Variants in METTL9 observed in about 807,000 individuals in gnomAD.
METTL9 encodes methyltransferase 9, His-X-His N1(pi)-histidine, also known as protein-L-histidine N-pros-methyltransferase.
METTL9 carries 10 observed loss-of-function variants against 36.0 expected under a neutral mutation model. The observed-to-expected ratio is 0.28, with a 90% confidence interval of 0.17 to 0.47. The LOEUF (loss-of-function observed/expected upper bound fraction) is 0.47. Ranked by LOEUF, METTL9 falls within the 20% of genes least tolerant of loss-of-function variation. The pLI, the probability that METTL9 is intolerant of heterozygous loss-of-function variation, is 0.99. For synonymous variants in METTL9, 175 were observed against 149.7 expected (o/e 1.17, Z -1.23); for missense variants, 246 against 383.5 (o/e 0.64, Z 3.00).
chr16:21,652,290 G>A, intron 4 of METTL9: 1 of 381,208 alleles, frequency 2.6e-6, no homozygotes, highest in South Asian at 7.0e-5. Context: ...CAACCCTTTG[G>A]TCAGATTGTC....
chr16:21,597,700 C>G (rs1964979625), upstream of METTL9, among the ~76,000 whole-genome samples: 2 of 152,190 alleles, frequency 1.3e-5, no homozygotes, highest in South Asian at 4.1e-4. Context: ...CTTTCACCCC[C>G]ACTTTAAAAA....
At chr16:21,642,953 A>G (rs750243081) in intron 4 of METTL9, 69 of 618,436 alleles carry the variant, frequency 1.1e-4, no homozygotes, top group Admixed American at 2.7e-5. Flanking sequence ...CATTCTTGTG[A>G]AAGTTCTCTT....
chr16:21,641,041 G>A (rs1292707909), intron 4 of METTL9: 1 of 152,384 alleles, frequency 6.6e-6, no homozygotes, highest in Non-Finnish European at 1.5e-5. Context: ...AGGCAAATGT[G>A]CGTTACCCCA....
At chr16:21,645,419 G>A (rs983682963) in intron 4 of METTL9, among the ~76,000 whole-genome samples, 2 of 151,998 alleles carry the variant, frequency 1.3e-5, no homozygotes, top group South Asian at 2.1e-4. Context: ...ATCACGCCAC[G>A]GCACTCCAGC....
At chr16:21,603,295 C>T (rs1187259930) in intron 1 of METTL9, among the ~76,000 whole-genome samples, 1 of 152,086 alleles carries the variant, frequency 6.6e-6, no homozygotes, top group Non-Finnish European at 1.5e-5. Context: ...CGTGCCAGCA[C>T]ACCTGGTTAA....
chr16:21,602,966 A>G (rs1965177819), intron 1 of METTL9, among the ~76,000 whole-genome samples: 1 of 151,850 alleles, frequency 6.6e-6, no homozygotes, highest in Non-Finnish European at 1.5e-5. Context: ...GCCCACAAAT[A>G]AAGTTTTATT....
At chr16:21,605,496 C>T (rs1389330339) in intron 1 of METTL9, among the ~76,000 whole-genome samples, 1 of 151,650 alleles carries the variant, frequency 6.6e-6, no homozygotes, top group Non-Finnish European at 1.5e-5. Flanking sequence ...CCTCCTGCCT[C>T]AGTCTCCCAA....
chr16:21,620,668 A>C (rs1310398086), intron 3 of METTL9, among the ~76,000 whole-genome samples: 4 of 152,238 alleles, frequency 2.6e-5, no homozygotes, highest in Non-Finnish European at 5.9e-5. Flanking sequence ...AATATACAGC[A>C]CATAAGCCAA....
chr16:21,628,980 G>A lies in METTL9; in HGVS notation c.751+3865G>A, dbSNP rs144124684. Among the ~76,000 whole-genome samples the A allele has an allele frequency of 2.9e-4, 44 of 149,800 alleles. 2 individuals are homozygous for A. In the South Asian group the frequency reaches 4.7e-3, roughly 16 times the overall value. ...TCTTGGCTTACTCACTGCAACCTCC[G>A]CCTCCTGGGTTCAAGTGATTTTCCT... On this transcript the variant is annotated intron_variant, in intron 4 of 4. Coordinates refer to ENST00000358154, the MANE Select transcript of METTL9 (RefSeq NM_016025.5).
chr16:21,646,758 C>T (rs1006725898), intron 4 of METTL9: 6 of 311,306 alleles, frequency 1.9e-5, no homozygotes, highest in African/African-American at 6.5e-5. Flanking sequence ...GGGTTACAAG[C>T]GATTCTCCTG....
intron 1 of METTL9, among the ~76,000 whole-genome samples, chr16:21,609,803 G>C (rs1450974060): frequency 1.3e-5 from 2 of 152,052 alleles, no homozygotes; most frequent in Non-Finnish European, 2.9e-5. Context: ...TAAGCATTTT[G>C]GATGTTATCC....
chr16:21,609,062 G>A (rs779649042), intron 1 of METTL9, among the ~76,000 whole-genome samples: 1 of 152,188 alleles, frequency 6.6e-6, no homozygotes, highest in Non-Finnish European at 1.5e-5. Context: ...CTTGGTGCCT[G>A]GTGCATGATA....
intron 3 of METTL9, among the ~76,000 whole-genome samples, chr16:21,623,605 C>G (rs1303365795): frequency 6.6e-6 from 1 of 152,078 alleles, no homozygotes; most frequent in Non-Finnish European, 1.5e-5. Flanking sequence ...ATAAAAACTC[C>G]CCCTTTCTAG....
rs565178279 is a variant in METTL9 at position 21,637,077 on chromosome 16, C to T, written c.751+11962C>T. 4.3e-4 allele frequency among the ~76,000 whole-genome samples: 65 copies of T among 152,134 alleles called. 1 individual carries two copies. Among genetic ancestry groups the T allele is most frequent in the African/African-American group, 1.5e-3 (62 of 41,506 alleles). On this transcript the variant is annotated intron_variant, in intron 4 of 4. Coordinates refer to ENST00000358154, the MANE Select transcript of METTL9 (RefSeq NM_016025.5). ...GAGTGAGCAGCAGCAAGATTTATTG[C>T]GAAGAGTGAAAAAACAAAGCTTCCA...
chr16:21,606,331 C>T (rs949859137), intron 1 of METTL9, among the ~76,000 whole-genome samples: 8 of 151,776 alleles, frequency 5.3e-5, no homozygotes, highest in Admixed American at 1.3e-4. Flanking sequence ...AGCGAGACTC[C>T]GTCTCAAAAT....
rs1049021228 is a variant in METTL9, at chr16:21,644,492, A to G, written c.752-10735A>G. ...TCCTTCACACTGCGTTTTAGAGGTG[A>G]AACGTGAACTTACTCTGCTTGCCTA... On this transcript the variant is annotated intron_variant, in intron 4 of 4. Coordinates refer to ENST00000358154, the MANE Select transcript of METTL9 (RefSeq NM_016025.5). 6.2e-6 allele frequency: 5 copies of G among 810,736 alleles called. No individual in the cohort carries two copies. The African/African-American group carries it at 8.6e-5, about 14-fold the overall frequency. The allele number at this position is 810,736 out of a possible 1,614,324, so 50.2% of individuals were successfully genotyped here. A position where few individuals can be genotyped will look rare whatever the true frequency, so the allele number is the denominator to read the frequency against.
chr16:21,631,589 A>G (rs920468291), intron 4 of METTL9, among the ~76,000 whole-genome samples: 1 of 152,152 alleles, frequency 6.6e-6, no homozygotes, highest in African/African-American at 2.4e-5. Flanking sequence ...TTTTTCCTTA[A>G]TCGCCCGGGA....
chr16:21,641,317 T>G, intron 4 of METTL9: 1 of 370,282 alleles, frequency 2.7e-6, no homozygotes, highest in Non-Finnish European at 4.9e-6. Context: ...TCTTGGCAAA[T>G]TTGGAAGGTA....
upstream of METTL9, among the ~76,000 whole-genome samples, chr16:21,598,238 G>A (rs992993115): frequency 6.6e-6 from 1 of 151,930 alleles, no homozygotes; most frequent in Admixed American, 6.6e-5. Context: ...AGTCCCAGCT[G>A]CTCGGGAGGC....
Sources: gnomAD v4.1 joint callset for allele counts (sites outside exome capture counted in the v4.1 genomes callset) on GRCh38, gnomAD v4.1.1 for gene constraint, MANE v1.5 for transcripts, NCBI Gene and HGNC (gene_info 2026-07-23, HGNC 2026-07-21) for gene names.